Variants in OR10J1 observed in about 807,000 individuals in gnomAD.
The protein encoded by OR10J1 is olfactory receptor 10J1.
For missense variants in OR10J1, 474 were observed against 376.6 expected, an observed-to-expected ratio of 1.26 and a Z score of -2.14; for synonymous variants, 202 against 143.8, an observed-to-expected ratio of 1.40 and a Z score of -2.89.
the OR10J1 span, among the ~76,000 whole-genome samples, chr1:159,402,987 G>A: frequency 6.6e-6 from 1 of 151,826 alleles, no homozygotes; most frequent in Non-Finnish European, 1.5e-5. Flanking sequence ...TTTAAACAAA[G>A]GTACCTAGAA....
At chr1:159,439,067 G>A (rs528644223), upstream of OR10J1, among the ~76,000 whole-genome samples, 1 of 152,318 alleles carries the variant, frequency 6.6e-6, no homozygotes, top group African/African-American at 2.4e-5. Context: ...ACGTGAATCA[G>A]TGCTCTGAAC....
At chr1:159,397,470 G>T in the OR10J1 span, among the ~76,000 whole-genome samples, 8 of 152,072 alleles carry the variant, frequency 5.3e-5, no homozygotes, top group Non-Finnish European at 1.2e-4. Context: ...TCCAGAACTG[G>T]ACTTTTGGAT....
the OR10J1 span, among the ~76,000 whole-genome samples, chr1:159,430,640 G>GGGGTGTGTGT: frequency 9.5e-4 from 134 of 140,934 alleles, no homozygotes; most frequent in African/African-American, 2.9e-3. Flanking sequence ...AAAAAATTAT[G>GGGGTGTGTGT]GTGTGTGTGT....
upstream of OR10J1, among the ~76,000 whole-genome samples, chr1:159,436,786 A>C (rs1244016976): frequency 1.3e-5 from 2 of 152,158 alleles, no homozygotes; most frequent in Admixed American, 1.3e-4. Context: ...GATACATTCA[A>C]ATACTCTTTT....
chr1:159,425,275 G>C, the OR10J1 span, among the ~76,000 whole-genome samples: 6 of 152,146 alleles, frequency 3.9e-5, no homozygotes, highest in East Asian at 1.2e-3. Flanking sequence ...ACACAGGTGA[G>C]AGACAAGAAA....
chr1:159,398,015 C>T, the OR10J1 span, among the ~76,000 whole-genome samples: 3 of 152,172 alleles, frequency 2.0e-5, no homozygotes, highest in East Asian at 5.8e-4. Context: ...GTGCTTGTGT[C>T]ACTACACCCC....
the OR10J1 span, among the ~76,000 whole-genome samples, chr1:159,404,995 T>A: frequency 6.6e-6 from 1 of 152,110 alleles, no homozygotes; most frequent in Non-Finnish European, 1.5e-5. Context: ...ATGATAATGG[T>A]GGTGCAAGAC....
chr1:159,406,622 A>G, the OR10J1 span, among the ~76,000 whole-genome samples: 1 of 152,122 alleles, frequency 6.6e-6, no homozygotes, highest in Non-Finnish European at 1.5e-5. Flanking sequence ...CATAATGTGA[A>G]CAACAAAATT....
chr1:159,407,628 T>A, the OR10J1 span, among the ~76,000 whole-genome samples: 2 of 152,132 alleles, frequency 1.3e-5, no homozygotes, highest in East Asian at 1.9e-4. Context: ...AAACTGTGCA[T>A]GAATACAATC....
chr1:159,419,766 T>C, the OR10J1 span, among the ~76,000 whole-genome samples: 1 of 152,240 alleles, frequency 6.6e-6, no homozygotes. Context: ...TTTTGGAGAA[T>C]GTTTCTTGTG....
In OR10J1 at chr1:159,440,738, C is replaced by T; in HGVS notation, c.*17C>T. 6.3e-7 allele frequency: 1 copy of T among 1,596,670 alleles called. No homozygotes were observed. Among genetic ancestry groups the T allele is most frequent in the Non-Finnish European group, 8.6e-7 (1 of 1,168,962 alleles). ...TTTTCCTGACCATGTAGGAAGAGTTCTCCTGAGGCTGTCAACATCCACACT... is the reference window on the plus strand; with the variant it reads ...TTTTCCTGACCATGTAGGAAGAGTTTTCCTGAGGCTGTCAACATCCACACT... On this transcript the variant is annotated 3_prime_UTR_variant, in exon 1 of 1. Transcript: ENST00000423932.
chr1:159,402,379 A>G, the OR10J1 span, among the ~76,000 whole-genome samples: 4 of 152,112 alleles, frequency 2.6e-5, no homozygotes, highest in African/African-American at 9.6e-5. Context: ...TCACAAGACA[A>G]CTATTAGAAC....
upstream of OR10J1, chr1:159,433,084 C>A (rs1260825861): frequency 2.2e-6 from 1 of 446,842 alleles, no homozygotes; most frequent in Non-Finnish European, 4.0e-6. Context: ...GCCTGAGGAA[C>A]AAAGAGGTCA....
At chr1:159,398,978 G>C in the OR10J1 span, among the ~76,000 whole-genome samples, 3 of 151,654 alleles carry the variant, frequency 2.0e-5, no homozygotes, top group Non-Finnish European at 4.4e-5. Context: ...AGACTACCTC[G>C]AGGCATTTAA....
chr1:159,418,495 G>A, the OR10J1 span, among the ~76,000 whole-genome samples: 9 of 152,320 alleles, frequency 5.9e-5, no homozygotes, highest in African/African-American at 1.2e-4. Flanking sequence ...GAGCCTGCAG[G>A]TGAACAGAAG....
chr1:159,422,092 G>T, the OR10J1 span, among the ~76,000 whole-genome samples: 1 of 152,090 alleles, frequency 6.6e-6, no homozygotes. Flanking sequence ...AGGTTGAGTG[G>T]GCTTGACCTC....
the OR10J1 span, among the ~76,000 whole-genome samples, chr1:159,398,919 C>T: frequency 6.6e-6 from 1 of 151,892 alleles, no homozygotes; most frequent in Non-Finnish European, 1.5e-5. Context: ...AGAAAGATAT[C>T]AATAGCAAGT....
upstream of OR10J1, among the ~76,000 whole-genome samples, chr1:159,436,664 G>A (rs184281283): frequency 1.0e-4 from 15 of 146,678 alleles, no homozygotes; most frequent in East Asian, 5.8e-4. Context: ...AATGGTTAGC[G>A]GTTTTAAAAA....
the OR10J1 span, among the ~76,000 whole-genome samples, chr1:159,400,632 A>G: frequency 6.6e-6 from 1 of 151,366 alleles, no homozygotes; most frequent in African/African-American, 2.4e-5. Flanking sequence ...AAATACTATT[A>G]GAGCTAAAGA....
Sources: gnomAD v4.1 joint callset for allele counts (sites outside exome capture counted in the v4.1 genomes callset) on GRCh38, gnomAD v4.1.1 for gene constraint, MANE v1.5 for transcripts, NCBI Gene and HGNC (gene_info 2026-07-23, HGNC 2026-07-21) for gene names.